Variants in EPHA3 observed in about 807,000 individuals in gnomAD.
The protein encoded by EPHA3 is EPH receptor A3, also known as ephrin type-A receptor 3.
Under a neutral mutation model 107.1 loss-of-function variants are expected in EPHA3, and 42 were observed. That is an observed-to-expected ratio of 0.39 (90% CI 0.31 to 0.51). The LOEUF (loss-of-function observed/expected upper bound fraction) is 0.51, where lower values mean the gene tolerates loss of function less well. Among genes scored for constraint, EPHA3 ranks in the 20% least tolerant of loss-of-function variants. The pLI, the probability that EPHA3 is intolerant of heterozygous loss-of-function variation, is 0.78. For synonymous variants in EPHA3, 461 were observed against 424.8 expected, an observed-to-expected ratio of 1.09 and a Z score of -1.05; for missense variants, 1,183 against 1,211.2, an observed-to-expected ratio of 0.98 and a Z score of 0.35.
At chr3:89,339,351 A>G (rs1707463155) in intron 3 of EPHA3, among the ~76,000 whole-genome samples, 1 of 142,092 alleles carries the variant, frequency 7.0e-6, no homozygotes, top group South Asian at 2.3e-4. Flanking sequence ...AGCCTAGGTG[A>G]CAGAGTGAGA....
At chr3:89,192,900 T>C (rs1338291012) in intron 2 of EPHA3, among the ~76,000 whole-genome samples, 6 of 152,084 alleles carry the variant, frequency 3.9e-5, no homozygotes, top group Non-Finnish European at 8.8e-5. Context: ...GATTAGGATA[T>C]AGCCAAAATC....
intron 3 of EPHA3, among the ~76,000 whole-genome samples, chr3:89,242,767 A>G (rs892208654): frequency 2.4e-5 from 2 of 82,690 alleles, no homozygotes; most frequent in African/African-American, 1.0e-4. Context: ...TTATTTTTTT[A>G]TTATACTTTA....
intron 2 of EPHA3, 122 bp downstream of exon 2, chr3:89,127,395 G>C: frequency 1.4e-6 from 1 of 693,208 alleles, no homozygotes; most frequent in Non-Finnish European, 2.4e-6. Flanking sequence ...ATACTTATAG[G>C]AGTATTCAAT....
At chr3:89,470,608 C>T (rs1710379679) in intron 15 of EPHA3, among the ~76,000 whole-genome samples, 3 of 152,174 alleles carry the variant, frequency 2.0e-5, no homozygotes, top group Admixed American at 6.5e-5. Flanking sequence ...CCAGGCCTTA[C>T]GGTTCCAGTA....
intron 15 of EPHA3, among the ~76,000 whole-genome samples, chr3:89,451,219 C>G (rs867591287): frequency 1.6e-4 from 25 of 152,118 alleles, no homozygotes; most frequent in Middle Eastern, 3.4e-3. Flanking sequence ...TAATTTTATG[C>G]ATATTCTTTT....
At chr3:89,114,457 T>C (rs1475731785) in intron 1 of EPHA3, among the ~76,000 whole-genome samples, 1 of 152,112 alleles carries the variant, frequency 6.6e-6, no homozygotes, top group Non-Finnish European at 1.5e-5. Flanking sequence ...CTGCATCAAA[T>C]TAAAGATGAG....
At chr3:89,125,781 C>A (rs1035694685) in intron 1 of EPHA3, among the ~76,000 whole-genome samples, 3 of 151,494 alleles carry the variant, frequency 2.0e-5, no homozygotes, top group Non-Finnish European at 4.4e-5. Flanking sequence ...GATCAAGAGC[C>A]TTACTTTTAC....
At chr3:89,445,564 T>C (rs77985774) in intron 13 of EPHA3, among the ~76,000 whole-genome samples, 1,781 of 152,258 alleles carry the variant, frequency 0.012, 42 homozygotes, top group African/African-American at 0.041. Context: ...CCTGGTTTCA[T>C]TGTTGAACTG....
intron 5 of EPHA3, among the ~76,000 whole-genome samples, chr3:89,381,977 A>G (rs1461399136): frequency 1.3e-5 from 2 of 152,196 alleles, no homozygotes; most frequent in Non-Finnish European, 2.9e-5. Flanking sequence ...CAAATAGATT[A>G]AGACAAGAAC....
In EPHA3 at chr3:89,305,489, T is replaced by C. The variant is rs1485455162; in HGVS notation, c.815-35427T>C. Among the ~76,000 whole-genome samples the C allele has an allele frequency of 1.3e-4, 20 of 152,284 alleles. 1 individual carries two copies. The East Asian group carries it at 3.7e-3, about 28-fold the overall frequency. ...GAAGAAGTTACATTGGATTGATATT[T>C]AGAAAATCTTAAATTAAAGTTGCTT... On this transcript the variant is annotated intron_variant, in intron 3 of 16. Coordinates refer to ENST00000336596, the MANE Select transcript of EPHA3 (RefSeq NM_005233.6).
chr3:89,283,564 G>A (rs991057957), intron 3 of EPHA3, among the ~76,000 whole-genome samples: 11 of 152,098 alleles, frequency 7.2e-5, no homozygotes, highest in Admixed American at 1.3e-4. Flanking sequence ...CCCAACCAAT[G>A]ATGACATTTT....
chr3:89,220,055 G>A (rs920854484), intron 3 of EPHA3, among the ~76,000 whole-genome samples: 3 of 152,000 alleles, frequency 2.0e-5, no homozygotes, highest in Non-Finnish European at 4.4e-5. Context: ...TTGCTTACTG[G>A]CACCTCCTGT....
chr3:89,163,703 T>C (rs1437079969), intron 2 of EPHA3, among the ~76,000 whole-genome samples: 1 of 152,056 alleles, frequency 6.6e-6, no homozygotes, highest in Admixed American at 6.5e-5. Flanking sequence ...TCAGACAAGA[T>C]TGTGAGCTGT....
chr3:89,111,802 G>C (rs967321018), intron 1 of EPHA3, among the ~76,000 whole-genome samples: 1 of 151,984 alleles, frequency 6.6e-6, no homozygotes, highest in Non-Finnish European at 1.5e-5. Context: ...GTGGTGAAAA[G>C]GTTCACTCGG....
intron 5 of EPHA3, among the ~76,000 whole-genome samples, chr3:89,364,868 C>A (rs1424550272): frequency 1.3e-5 from 2 of 150,900 alleles, no homozygotes; most frequent in Non-Finnish European, 3.0e-5. Context: ...TCACTCCTTG[C>A]TACTTTTCAA....
chr3:89,123,805 A>G (rs1008856609), intron 1 of EPHA3, among the ~76,000 whole-genome samples: 19 of 152,246 alleles, frequency 1.2e-4, no homozygotes, highest in African/African-American at 4.1e-4. Flanking sequence ...TTCATTAAAA[A>G]AGTTTATATA....
intron 1 of EPHA3, among the ~76,000 whole-genome samples, chr3:89,110,360 T>TTTAATTTAAGATTTAATCA (rs996356476): frequency 7.2e-5 from 11 of 151,994 alleles, no homozygotes; most frequent in Non-Finnish European, 1.3e-4. Context: ...TGATGTGTTT[T>TTTAATTTAAGATTTAATCA]TTAATTTAAG....
At chr3:89,226,440 C>T (rs1382375105) in intron 3 of EPHA3, among the ~76,000 whole-genome samples, 1 of 152,058 alleles carries the variant, frequency 6.6e-6, no homozygotes, top group Non-Finnish European at 1.5e-5. Context: ...TTTTCCTAAA[C>T]GTTCCAGGAA....
intron 13 of EPHA3, among the ~76,000 whole-genome samples, chr3:89,434,658 G>C (rs1212607426): frequency 6.6e-6 from 1 of 152,122 alleles, no homozygotes; most frequent in Non-Finnish European, 1.5e-5. Flanking sequence ...AGAACACAGG[G>C]GGTTAACTCT....
Sources: allele counts gnomAD v4.1 joint callset (sites outside exome capture counted in the v4.1 genomes callset), GRCh38; gene constraint gnomAD v4.1.1; transcripts MANE v1.5; gene names NCBI Gene and HGNC (gene_info 2026-07-23, HGNC 2026-07-21).